The following M1AP variants were observed in gnomAD, a reference collection of about 807,000 sequenced individuals.
The protein encoded by M1AP is meiosis 1 arrest protein.
M1AP carries 39 observed loss-of-function variants against 51.2 expected under a neutral mutation model. That is an observed-to-expected ratio of 0.76 (90% CI 0.59 to 1.00). The LOEUF (loss-of-function observed/expected upper bound fraction) is 1.00. M1AP is among the 50% of genes least tolerant of loss of function. The pLI is 0.00. For missense variants in M1AP, 545 were observed against 641.2 expected, an observed-to-expected ratio of 0.85 and a Z score of 1.62; for synonymous variants, 251 against 249.2, an observed-to-expected ratio of 1.01 and a Z score of -0.07.
chr2:74,631,905 C>G (rs1051740933), intron 2 of M1AP, among the ~76,000 whole-genome samples: 1 of 152,128 alleles, frequency 6.6e-6, no homozygotes, highest in African/African-American at 2.4e-5. Flanking sequence ...CACATGGTAT[C>G]TTTCTCCATT....
At position 74,600,742 on chromosome 2, in the gene M1AP, A is replaced by G. The variant is rs1280738598; in HGVS notation, c.595+6313T>C. ...AGAACTATGGAAAAAGTTTTATAAT[A>G]TTATGTTACATGAAAACAAAAAATT... On this transcript the variant is annotated intron_variant, in intron 4 of 10. Transcript: ENST00000421985. Among the ~76,000 whole-genome samples, 4 of 152,230 alleles carry G rather than the reference A, an allele frequency of 2.6e-5. No homozygotes were observed. In the East Asian group the frequency reaches 7.7e-4, roughly 29 times the overall value.
At chr2:74,635,530 C>T (rs1682944001) in intron 2 of M1AP, among the ~76,000 whole-genome samples, 1 of 151,786 alleles carries the variant, frequency 6.6e-6, no homozygotes, top group Non-Finnish European at 1.5e-5. Flanking sequence ...GTTCATTTTG[C>T]TTTTCCTTTT....
intron 7 of M1AP, among the ~76,000 whole-genome samples, chr2:74,568,180 C>T (rs1678506851): frequency 6.6e-6 from 1 of 152,206 alleles, no homozygotes; most frequent in Non-Finnish European, 1.5e-5. Flanking sequence ...TGAAGCCGGC[C>T]AACTGGCTAA....
At chr2:74,647,439 C>CT in intron 1 of M1AP, 1 of 980,572 alleles carries the variant, frequency 1.0e-6, no homozygotes, top group South Asian at 4.7e-5. Flanking sequence ...TTCGTGGGCC[C>CT]TAAGGCACTT....
At chr2:74,646,311 C>T (rs1274611334) in intron 1 of M1AP, among the ~76,000 whole-genome samples, 1 of 152,106 alleles carries the variant, frequency 6.6e-6, no homozygotes, top group Non-Finnish European at 1.5e-5. Context: ...ATGATAATGC[C>T]AGGAGTGAAA....
intron 7 of M1AP, among the ~76,000 whole-genome samples, chr2:74,569,424 AG>A (rs1256312996): frequency 7.8e-6 from 1 of 128,788 alleles, no homozygotes; most frequent in Non-Finnish European, 1.6e-5. Flanking sequence ...TCTATCACCC[AG>A]GCTGGAGTGC....
At chr2:74,643,135 AATC>A (rs1683406396) in intron 1 of M1AP, among the ~76,000 whole-genome samples, 1 of 152,176 alleles carries the variant, frequency 6.6e-6, no homozygotes, top group African/African-American at 2.4e-5. Flanking sequence ...ATCTTTAAAT[AATC>A]ATATATAACA....
intron 6 of M1AP, 80 bp from the exon 7 acceptor site, chr2:74,575,659 C>T (rs1260926884): frequency 2.7e-6 from 3 of 1,123,930 alleles, no homozygotes; most frequent in Non-Finnish European, 3.9e-6. Context: ...TTCAGCTTAA[C>T]TCTAAGACAG....
At chr2:74,562,503 C>A (rs2104508948) in intron 7 of M1AP, 80 bp from the exon 8 acceptor site, 1 of 1,521,022 alleles carries the variant, frequency 6.6e-7, no homozygotes, top group South Asian at 1.2e-5. Flanking sequence ...TTGAAGTTTC[C>A]CTGACTTCCA....
intron 5 of M1AP, among the ~76,000 whole-genome samples, chr2:74,580,963 A>G (rs1330050085): frequency 1.3e-5 from 2 of 152,166 alleles, no homozygotes; most frequent in Non-Finnish European, 2.9e-5. Context: ...CTGCAGGCCC[A>G]GCCACCCCAG....
At chr2:74,611,757 G>A (rs1018374010) in intron 3 of M1AP, among the ~76,000 whole-genome samples, 4 of 151,454 alleles carry the variant, frequency 2.6e-5, no homozygotes, top group Admixed American at 6.6e-5. Flanking sequence ...GCTTGAACAC[G>A]GGAGGTGGAG....
chr2:74,577,181 G>A (rs1390023301), intron 5 of M1AP, among the ~76,000 whole-genome samples: 1 of 152,186 alleles, frequency 6.6e-6, no homozygotes, highest in Non-Finnish European at 1.5e-5. Context: ...AAAGGAATAA[G>A]TTCCTGAAAT....
chr2:74,619,590 A>G (rs542259921), intron 2 of M1AP, among the ~76,000 whole-genome samples: 2 of 152,340 alleles, frequency 1.3e-5, no homozygotes, highest in Non-Finnish European at 2.9e-5. Flanking sequence ...TGGCAGAGAG[A>G]TAGGTGCTAA....
intron 4 of M1AP, among the ~76,000 whole-genome samples, chr2:74,603,294 A>C (rs1056819675): frequency 6.6e-6 from 1 of 152,270 alleles, no homozygotes; most frequent in Non-Finnish European, 1.5e-5. Flanking sequence ...CACAGAAATG[A>C]GTAAGACAAG....
chr2:74,637,750 C>A (rs1279770477), intron 2 of M1AP, among the ~76,000 whole-genome samples: 1 of 152,166 alleles, frequency 6.6e-6, no homozygotes, highest in Non-Finnish European at 1.5e-5. Flanking sequence ...TGAACAGGTA[C>A]TATTCCAGTT....
Position 74,572,633 on chromosome 2 carries a change from C to T in M1AP, c.1074+2805G>A, listed in dbSNP as rs79081633. Among the ~76,000 whole-genome samples the T allele has an allele frequency of 3.4e-3, 523 of 152,314 alleles. 1 individual carries two copies. The highest frequency in any genetic ancestry group is 0.012 in the African/African-American group (500 of 41,568). On this transcript the variant is annotated intron_variant, in intron 7 of 10. Coordinates refer to ENST00000421985, the MANE Select transcript of M1AP (RefSeq NM_001321739.2). Reference sequence around the variant, plus strand: ...AGGTCCTCAAACTCTGACAAGACTACTTTGGTAGCTGTGTGACCTTAGGTA... The same window carrying T: ...AGGTCCTCAAACTCTGACAAGACTATTTTGGTAGCTGTGTGACCTTAGGTA...
At chr2:74,613,957 C>T (rs1003496801) in intron 3 of M1AP, among the ~76,000 whole-genome samples, 3 of 152,154 alleles carry the variant, frequency 2.0e-5, no homozygotes, top group African/African-American at 7.2e-5. Flanking sequence ...CCTGGCTAAT[C>T]TTTATTTTCT....
chr2:74,624,402 T>C (rs1682256643), intron 2 of M1AP, among the ~76,000 whole-genome samples: 1 of 152,250 alleles, frequency 6.6e-6, no homozygotes. Flanking sequence ...ATTCTATTTC[T>C]GGGCTTTCAT....
chr2:74,576,406 C>A (rs1422181428), intron 6 of M1AP, 50 bp downstream of exon 6: 1 of 1,589,056 alleles, frequency 6.3e-7, no homozygotes, highest in African/African-American at 1.3e-5. Flanking sequence ...AGCCACAGAA[C>A]CACTAAGAAT....
Sources: gnomAD v4.1 joint callset for allele counts (sites outside exome capture counted in the v4.1 genomes callset) on GRCh38, gnomAD v4.1.1 for gene constraint, MANE v1.5 for transcripts, NCBI Gene and HGNC (gene_info 2026-07-23, HGNC 2026-07-21) for gene names.